Variants in PEX14 observed in about 807,000 individuals in gnomAD.
PEX14 encodes the protein peroxisomal membrane protein PEX14.
Under a neutral mutation model 49.5 loss-of-function variants are expected in PEX14, and 15 were observed. The ratio of observed to expected loss-of-function variants is 0.30; its 90% CI spans 0.20 to 0.47. The LOEUF (loss-of-function observed/expected upper bound fraction) is 0.47, where lower values mean the gene tolerates loss of function less well. Ranked by LOEUF, PEX14 falls within the 20% of genes least tolerant of loss-of-function variation. The pLI is 1.00. For missense variants in PEX14, 398 were observed against 494.8 expected (o/e 0.80, Z 1.86); for synonymous variants, 210 against 212.7 (o/e 0.99, Z 0.11).
intron 4 of PEX14, among the ~76,000 whole-genome samples, chr1:10,600,675 G>T (rs913022391): frequency 6.6e-6 from 1 of 151,892 alleles, no homozygotes; most frequent in Admixed American, 6.6e-5. Context: ...CCGAGATCAC[G>T]CCGCTGCACT....
At chr1:10,509,448 C>T (rs1641846548) in intron 2 of PEX14, among the ~76,000 whole-genome samples, 1 of 152,206 alleles carries the variant, frequency 6.6e-6, no homozygotes, top group African/African-American at 2.4e-5. Flanking sequence ...GCCTGGTCCC[C>T]AGAGCCCCAT....
intron 3 of PEX14, among the ~76,000 whole-genome samples, chr1:10,546,754 C>T (rs1409997665): frequency 3.5e-5 from 5 of 141,172 alleles, no homozygotes; most frequent in Admixed American, 2.2e-4. Flanking sequence ...CTATAGTCCC[C>T]GCTGCTCAGG....
chr1:10,599,254 G>T lies in PEX14; in HGVS notation c.186G>T (p.Glu62Asp). The change falls in exon 4 of 9, where the codon GAG (glutamate) becomes GAT (aspartate). Residue 62 changes from glutamate to aspartate, a missense_variant. Glu to Asp is a conservative substitution (Grantham distance 45). This residue lies in a region of PEX14 where 202 missense variants were observed against 298.5 expected (regional missense o/e 0.68). Transcript: ENST00000356607. Reference sequence around the variant, plus strand: ...TCTCCCCAGGGCTGACAGATGAAGAGATTGATATGGCCTTCCAGCAGTCGG... The same window carrying T: ...TCTCCCCAGGGCTGACAGATGAAGATATTGATATGGCCTTCCAGCAGTCGG... ...FLKKKGLTDEEIDMAFQQSGT... is the reference protein window; with the variant it reads ...FLKKKGLTDEDIDMAFQQSGT... 1.2e-6 allele frequency: 2 copies of T among 1,614,200 alleles called. No homozygotes were observed. Among genetic ancestry groups the T allele is most frequent in the Non-Finnish European group, 1.7e-6 (2 of 1,180,012 alleles).
At chr1:10,535,321 C>T (rs1198899011) in intron 2 of PEX14, among the ~76,000 whole-genome samples, 2 of 152,232 alleles carry the variant, frequency 1.3e-5, no homozygotes, top group Non-Finnish European at 2.9e-5. Flanking sequence ...GTGCCCCTTC[C>T]ATCCCCTGCC....
At position 10,623,802 on chromosome 1, in the gene PEX14, G is replaced by A. The variant is rs929506024; in HGVS notation, c.488-538G>A. On this transcript the variant is annotated intron_variant, in intron 6 of 8. Transcript: ENST00000356607. The surrounding 1 kb of genome is among the most constrained non-coding windows in gnomAD (Gnocchi z 4.4). ...TCCTGCTGCCGTTTGCTCCTGCGAG[G>A]CTGACATTGGTGGCAACAAGGTCCT... 1.3e-5 allele frequency among the ~76,000 whole-genome samples: 2 copies of A among 152,220 alleles called. No individual in the cohort carries two copies. Among genetic ancestry groups the A allele is most frequent in the Admixed American group, 6.5e-5 (1 of 15,278 alleles).
At chr1:10,578,457 C>G (rs1370954401) in intron 3 of PEX14, among the ~76,000 whole-genome samples, 1 of 152,072 alleles carries the variant, frequency 6.6e-6, no homozygotes, top group Non-Finnish European at 1.5e-5. Context: ...ATTTAACTGT[C>G]TACTAGAAAA....
chr1:10,496,095 T>G (rs1041150255), intron 2 of PEX14, among the ~76,000 whole-genome samples: 1 of 152,242 alleles, frequency 6.6e-6, no homozygotes, highest in African/African-American at 2.4e-5. Flanking sequence ...TCACCTGTTC[T>G]GCTTCACTCC....
At chr1:10,567,643 C>T (rs1021861751) in intron 3 of PEX14, among the ~76,000 whole-genome samples, 2 of 152,094 alleles carry the variant, frequency 1.3e-5, no homozygotes, top group East Asian at 1.9e-4. Flanking sequence ...TACACGCATG[C>T]ACCACCACGC....
chr1:10,619,636 A>T (rs1448298864), intron 5 of PEX14, among the ~76,000 whole-genome samples: 1 of 151,946 alleles, frequency 6.6e-6, no homozygotes, highest in Non-Finnish European at 1.5e-5. Context: ...TTTTTAAACA[A>T]CCTGAATGAG....
At chr1:10,577,701 C>T (rs1449176340) in intron 3 of PEX14, among the ~76,000 whole-genome samples, 4 of 143,010 alleles carry the variant, frequency 2.8e-5, no homozygotes, top group Non-Finnish European at 6.0e-5. Flanking sequence ...GGAGGGTTCA[C>T]GCCATTCTCC....
chr1:10,499,936 A>C lies in PEX14; in HGVS notation c.84+4615A>C, dbSNP rs187664711. Among the ~76,000 whole-genome samples the C allele has an allele frequency of 1.5e-3, 232 of 152,254 alleles. 2 individuals carry two copies. The highest frequency in any genetic ancestry group is 5.4e-3 in the African/African-American group (223 of 41,530). ...CCTCAGGTTTCTTCCTGAGGCTCAG[A>C]TGGAACCTTGTCCAGGGGGTTCTAC... On this transcript the variant is annotated intron_variant, in intron 2 of 8. Coordinates refer to ENST00000356607, the MANE Select transcript of PEX14 (RefSeq NM_004565.3).
chr1:10,482,437 C>CT (rs954442729), intron 1 of PEX14, among the ~76,000 whole-genome samples: 1,364 of 130,060 alleles, frequency 0.01, 21 homozygotes, highest in East Asian at 0.075. Flanking sequence ...GCCCATCTTA[C>CT]TTTTTTTTTT....
At chr1:10,484,931 C>G (rs12565133) in intron 1 of PEX14, among the ~76,000 whole-genome samples, 5 of 151,316 alleles carry the variant, frequency 3.3e-5, no homozygotes, top group African/African-American at 1.2e-4. Context: ...CGTATCTCAC[C>G]CACATTAATG....
At chr1:10,604,338 A>T (rs1216047462) in intron 4 of PEX14, among the ~76,000 whole-genome samples, 2 of 152,194 alleles carry the variant, frequency 1.3e-5, no homozygotes, top group South Asian at 4.1e-4. Flanking sequence ...AAGAAACTCC[A>T]GGTTGTTGGA....
At chr1:10,581,508 C>T (rs990159267) in intron 3 of PEX14, among the ~76,000 whole-genome samples, 23 of 151,374 alleles carry the variant, frequency 1.5e-4, no homozygotes, top group African/African-American at 5.6e-4. Flanking sequence ...ATTTCACCAT[C>T]TTGGCCAGGC....
intron 4 of PEX14, among the ~76,000 whole-genome samples, chr1:10,617,522 C>A (rs1249285772): frequency 6.6e-6 from 1 of 152,166 alleles, no homozygotes; most frequent in Non-Finnish European, 1.5e-5. Context: ...TGGCTCCTCT[C>A]CGTTCTCCCC....
intron 1 of PEX14, among the ~76,000 whole-genome samples, chr1:10,486,232 C>A (rs1641365279): frequency 6.6e-6 from 1 of 152,088 alleles, no homozygotes; most frequent in Non-Finnish European, 1.5e-5. Context: ...AAGTGGATGT[C>A]CTTGCTTTGT....
At chr1:10,538,405 G>A (rs761305890) in intron 3 of PEX14, among the ~76,000 whole-genome samples, 2 of 152,132 alleles carry the variant, frequency 1.3e-5, no homozygotes, top group African/African-American at 4.8e-5. Flanking sequence ...CCTGCCCTTC[G>A]TCCTCTAAAG....
intron 2 of PEX14, among the ~76,000 whole-genome samples, chr1:10,535,203 G>A (rs1179421450): frequency 6.6e-6 from 1 of 152,212 alleles, no homozygotes. Context: ...TGGGGCAGGT[G>A]GGCGTTTCCC....
Sources: allele counts gnomAD v4.1 joint callset (sites outside exome capture counted in the v4.1 genomes callset), GRCh38; gene constraint gnomAD v4.1.1; regional missense constraint gnomAD v4.1.1; non-coding constraint Gnocchi (gnomAD v3.1); transcripts MANE v1.5; gene names NCBI Gene and HGNC (gene_info 2026-07-23, HGNC 2026-07-21).